Variants in ACYP2 observed in about 807,000 individuals in gnomAD.
ACYP2 encodes the protein acylphosphatase-2.
In ACYP2, 12 loss-of-function variants were observed where a neutral mutation model predicts 11.2. The ratio of observed to expected loss-of-function variants is 1.08; its 90% CI spans 0.69 to 1.74. ACYP2 has a LOEUF of 1.74. Among genes scored for constraint, ACYP2 ranks in the 40% most tolerant of loss-of-function variants. The probability of loss-of-function intolerance (pLI) is 0.00; values close to 1 mark genes in which losing one functional copy is unlikely to be tolerated. For synonymous variants in ACYP2, 43 were observed against 32.2 expected, an observed-to-expected ratio of 1.33 and a Z score of -1.13; for missense variants, 134 against 101.9, an observed-to-expected ratio of 1.31 and a Z score of -1.35.
At chr2:54,219,903 ATATTT>A (rs1284295057) in intron 6 of ACYP2, among the ~76,000 whole-genome samples, 1 of 100,450 alleles carries the variant, frequency 1.0e-5, no homozygotes, top group African/African-American at 3.7e-5. Flanking sequence ...ATATATATAT[ATATTT>A]TTTTTTTTTT....
chr2:53,975,150 G>T (rs1304753717), intron 2 of ACYP2: 1 of 389,836 alleles, frequency 2.6e-6, no homozygotes, highest in Non-Finnish European at 4.5e-6. Context: ...GCTTGAACCC[G>T]GGAGGCAGAG....
intron 6 of ACYP2, among the ~76,000 whole-genome samples, chr2:54,284,166 A>T (rs1039474952): frequency 1.3e-5 from 2 of 152,256 alleles, no homozygotes; most frequent in Non-Finnish European, 2.9e-5. Flanking sequence ...AAAAAAAATC[A>T]TATAATTAAA....
intron 6 of ACYP2, among the ~76,000 whole-genome samples, chr2:54,190,676 C>G (rs144843377): frequency 6.6e-6 from 1 of 152,024 alleles, no homozygotes; most frequent in Non-Finnish European, 1.5e-5. Flanking sequence ...GGAGTCCCAG[C>G]GTATAGTGCT....
chr2:54,147,773 C>T (rs761074929), intron 6 of ACYP2, among the ~76,000 whole-genome samples: 10 of 152,156 alleles, frequency 6.6e-5, no homozygotes, highest in Non-Finnish European at 1.2e-4. Flanking sequence ...GATCCTTCTG[C>T]CTCGGCTTCC....
chr2:54,237,487 GT>G lies in ACYP2; in HGVS notation c.405-67193del, dbSNP rs951098821. Among the ~76,000 whole-genome samples, 3 of 151,862 alleles carry G rather than the reference GT, an allele frequency of 2.0e-5. No individual in the cohort carries two copies. The South Asian group carries it at 6.2e-4, about 32-fold the overall frequency. On this transcript the variant is annotated intron_variant, in intron 6 of 6. Transcript: ENST00000607452. ...AAATTCTCTACATGAAGTGAAAAATGTTTTTTTTCTCTACTTCATTATTGAG... is the reference window on the plus strand; with the variant it reads ...AAATTCTCTACATGAAGTGAAAAATGTTTTTTTCTCTACTTCATTATTGAG...
chr2:54,134,138 A>T (rs77908001), intron 4 of ACYP2, among the ~76,000 whole-genome samples: 3,988 of 152,228 alleles, frequency 0.026, 90 homozygotes, highest in Non-Finnish European at 0.034. Flanking sequence ...ATTAGTACTT[A>T]GGCTTCAGAG....
chr2:54,106,832 C>G (rs111819336), intron 4 of ACYP2, among the ~76,000 whole-genome samples: 2 of 152,088 alleles, frequency 1.3e-5, no homozygotes, highest in African/African-American at 4.8e-5. Context: ...ATCCGCCCCC[C>G]CTCGGCCTCC....
intron 6 of ACYP2, among the ~76,000 whole-genome samples, chr2:54,154,735 T>C (rs1682355673): frequency 6.6e-6 from 1 of 152,206 alleles, no homozygotes; most frequent in Non-Finnish European, 1.5e-5. Flanking sequence ...TGTAATTTTC[T>C]TTTCTCATAA....
intron 6 of ACYP2, among the ~76,000 whole-genome samples, chr2:54,150,047 T>G (rs1482416247): frequency 6.6e-6 from 1 of 152,224 alleles, no homozygotes; most frequent in Non-Finnish European, 1.5e-5. Flanking sequence ...TCCTGTAAAG[T>G]CATTAAATGT....
intron 6 of ACYP2, among the ~76,000 whole-genome samples, chr2:54,192,403 A>G (rs1380774849): frequency 2.0e-5 from 3 of 152,160 alleles, no homozygotes; most frequent in Non-Finnish European, 2.9e-5. Flanking sequence ...TAAATTTCAC[A>G]TATAAAATGT....
chr2:54,017,272 C>CTTT (rs143681564), intron 2 of ACYP2, among the ~76,000 whole-genome samples: 1 of 123,138 alleles, frequency 8.1e-6, no homozygotes, highest in African/African-American at 3.5e-5. Context: ...CTTTTCTTTT[C>CTTT]TTTTTTTTTT....
intron 4 of ACYP2, among the ~76,000 whole-genome samples, chr2:54,057,761 G>T (rs932884229): frequency 8.5e-5 from 13 of 152,138 alleles, no homozygotes; most frequent in African/African-American, 3.1e-4. Flanking sequence ...TTGGCAGTTT[G>T]TAAGGTGAAT....
intron 4 of ACYP2, among the ~76,000 whole-genome samples, chr2:54,117,902 C>G (rs781327797): frequency 1.3e-5 from 2 of 152,134 alleles, no homozygotes; most frequent in South Asian, 2.1e-4. Flanking sequence ...AATGTGTAGC[C>G]TTTTGTCCCT....
At chr2:54,043,261 G>A (rs1345833983) in intron 2 of ACYP2, among the ~76,000 whole-genome samples, 2 of 152,116 alleles carry the variant, frequency 1.3e-5, no homozygotes, top group Admixed American at 1.3e-4. Context: ...TTAACCAAGG[G>A]ACAATCAAAA....
chr2:53,996,336 A>G (rs1003292003), intron 2 of ACYP2, among the ~76,000 whole-genome samples: 1 of 152,064 alleles, frequency 6.6e-6, no homozygotes, highest in Admixed American at 6.6e-5. Flanking sequence ...GGGGATGTAC[A>G]CCTATGAGAG....
intron 4 of ACYP2, among the ~76,000 whole-genome samples, chr2:54,119,280 C>G (rs538299633): frequency 6.6e-6 from 1 of 151,806 alleles, no homozygotes; most frequent in Non-Finnish European, 1.5e-5. Context: ...TGGTTTTGAA[C>G]TCCTGGCCTC....
chr2:54,166,261 C>T (rs1344085531), intron 6 of ACYP2, among the ~76,000 whole-genome samples: 2 of 152,138 alleles, frequency 1.3e-5, no homozygotes, highest in Non-Finnish European at 2.9e-5. Flanking sequence ...GTCCTCTGGG[C>T]AAGCATTTAT....
chr2:54,299,399 C>A (rs1660829706), intron 6 of ACYP2, among the ~76,000 whole-genome samples: 1 of 151,882 alleles, frequency 6.6e-6, no homozygotes, highest in African/African-American at 2.4e-5. Flanking sequence ...TGAGAGCGGC[C>A]TGACCAACAC....
intron 2 of ACYP2, among the ~76,000 whole-genome samples, chr2:54,014,245 CCTTCCT>C (rs966532408): frequency 1.9e-4 from 29 of 151,776 alleles, no homozygotes; most frequent in African/African-American, 6.8e-4. Flanking sequence ...CTGTGGTTTT[CCTTCCT>C]CTTCATCTCC....
Sources: allele counts gnomAD v4.1 joint callset (sites outside exome capture counted in the v4.1 genomes callset), GRCh38; gene constraint gnomAD v4.1.1; transcripts MANE v1.5; gene names NCBI Gene and HGNC (gene_info 2026-07-23, HGNC 2026-07-21).